The following ARHGEF7 variants were observed in gnomAD, a reference collection of about 807,000 sequenced individuals.
ARHGEF7 encodes Rho guanine nucleotide exchange factor 7.
Under a neutral mutation model 109.8 loss-of-function variants are expected in ARHGEF7, and 33 were observed. The ratio of observed to expected loss-of-function variants is 0.30; its 90% CI spans 0.23 to 0.40. The LOEUF (loss-of-function observed/expected upper bound fraction) is 0.40, where lower values mean the gene tolerates loss of function less well. Among genes scored for constraint, ARHGEF7 ranks in the 10% least tolerant of loss-of-function variants. The probability of loss-of-function intolerance (pLI) is 1.00; values close to 1 mark genes in which losing one functional copy is unlikely to be tolerated. For synonymous variants in ARHGEF7, 458 were observed against 424.6 expected (o/e 1.08, Z -0.97); for missense variants, 938 against 1,098.5 (o/e 0.85, Z 2.07).
chr13:111,194,535 A>G (rs2080273669), intron 2 of ARHGEF7, among the ~76,000 whole-genome samples: 1 of 152,228 alleles, frequency 6.6e-6, no homozygotes. Flanking sequence ...GGCTAAGATT[A>G]GGCCTAGATA....
intron 3 of ARHGEF7, among the ~76,000 whole-genome samples, chr13:111,209,036 A>G (rs1170043133): frequency 6.6e-6 from 1 of 152,154 alleles, no homozygotes; most frequent in East Asian, 1.9e-4. Context: ...TCAGAATTTT[A>G]TAAGATACGT....
chr13:111,283,421 G>C, intron 16 of ARHGEF7, 58 bp downstream of exon 16: 1 of 1,520,886 alleles, frequency 6.6e-7, no homozygotes, highest in Non-Finnish European at 8.8e-7. Flanking sequence ...TCGGGCCCTG[G>C]GTGTGCCCAC....
rs2092316501 is a variant in ARHGEF7, at chr13:111,273,673, T to G, written c.1074-141T>G. On this transcript the variant is annotated intron_variant, in intron 9 of 21. Transcript: ENST00000646102. This position sits in a 1 kb window ranked among gnomAD's most constrained non-coding sequence, Gnocchi z 4.5. ...CATTTCCAGATAAGCAGCGCAGATT[T>G]GGGATAAAAGCTGGAGCCTTCCAGA... The G allele has an allele frequency of 2.6e-6, 3 of 1,173,862 alleles. No individual in the cohort carries two copies. The highest frequency in any genetic ancestry group is 3.6e-6 in the Non-Finnish European group (3 of 826,624). The allele number at this position is 1,173,862 out of a possible 1,614,324, so 72.7% of individuals were successfully genotyped here. A position where few individuals can be genotyped will look rare whatever the true frequency, so the allele number is the denominator to read the frequency against.
chr13:111,200,453 C>CTTTT (rs34569096), intron 2 of ARHGEF7, among the ~76,000 whole-genome samples: 1 of 146,230 alleles, frequency 6.8e-6, no homozygotes, highest in Non-Finnish European at 1.5e-5. Flanking sequence ...GAAATCATGT[C>CTTTT]TTTTTTTTTT....
intron 9 of ARHGEF7, among the ~76,000 whole-genome samples, chr13:111,271,802 A>AT (rs747096289): frequency 8.9e-4 from 135 of 152,276 alleles, no homozygotes; most frequent in East Asian, 2.3e-3. Context: ...TCTTGTCTTA[A>AT]TTTTTTTACA....
At chr13:111,281,872 C>T (rs1033681531) in intron 15 of ARHGEF7, among the ~76,000 whole-genome samples, 1 of 152,210 alleles carries the variant, frequency 6.6e-6, no homozygotes, top group East Asian at 1.9e-4. Context: ...CATTCTCCTA[C>T]AGAGTTTCTT....
intron 5 of ARHGEF7, among the ~76,000 whole-genome samples, chr13:111,218,368 A>G (rs1449729852): frequency 1.3e-5 from 2 of 152,018 alleles, no homozygotes; most frequent in Non-Finnish European, 2.9e-5. Flanking sequence ...TGTTTCACTG[A>G]CTTTCCGATT....
In ARHGEF7 at chr13:111,115,515, C is replaced by G; in HGVS notation, c.-12C>G. ...CGCGCGCCCCTCCCCGCCTGCCTCC[C>G]GGGCCGCAGCGATGAATTCCGCCGA... On this transcript the variant is annotated 5_prime_UTR_variant, in exon 1 of 22. Transcript: ENST00000646102. 1 of 1,323,944 alleles carries G rather than the reference C, an allele frequency of 7.6e-7. No homozygotes were observed. Among genetic ancestry groups the G allele is most frequent in the African/African-American group, 1.5e-5 (1 of 64,926 alleles). The allele number at this position is 1,323,944 out of a possible 1,614,324, so 82.0% of individuals were successfully genotyped here. A position where few individuals can be genotyped will look rare whatever the true frequency, so the allele number is the denominator to read the frequency against.
At chr13:111,140,139 G>A (rs757968371) in intron 1 of ARHGEF7, among the ~76,000 whole-genome samples, 4 of 152,154 alleles carry the variant, frequency 2.6e-5, no homozygotes, top group Non-Finnish European at 5.9e-5. Flanking sequence ...ACAGGCACAG[G>A]TCCTTCGTTC....
At chr13:111,200,820 G>A (rs924457094) in intron 2 of ARHGEF7, among the ~76,000 whole-genome samples, 5 of 152,164 alleles carry the variant, frequency 3.3e-5, no homozygotes, top group African/African-American at 9.7e-5. Flanking sequence ...CTGGCATCTG[G>A]AATCTCTTGA....
At chr13:111,191,944 T>G in intron 2 of ARHGEF7, among the ~76,000 whole-genome samples, 1 of 152,202 alleles carries the variant, frequency 6.6e-6, no homozygotes, top group East Asian at 1.9e-4. Flanking sequence ...GTATGCTGCT[T>G]AATCATATGA....
chr13:111,295,162 T>C (rs769568807), intron 19 of ARHGEF7: 32 of 985,822 alleles, frequency 3.2e-5, no homozygotes, highest in Admixed American at 6.1e-5. Flanking sequence ...AAACCTGTTA[T>C]GTACAGTTGA....
At chr13:111,240,542 CT>C (rs1402182362) in intron 6 of ARHGEF7, among the ~76,000 whole-genome samples, 1 of 152,208 alleles carries the variant, frequency 6.6e-6, no homozygotes, top group Non-Finnish European at 1.5e-5. Flanking sequence ...CTCCTTCCTC[CT>C]CCTCCTCCTC....
At chr13:111,281,779 C>T (rs901562217) in intron 15 of ARHGEF7, among the ~76,000 whole-genome samples, 12 of 152,252 alleles carry the variant, frequency 7.9e-5, no homozygotes, top group South Asian at 2.1e-4. Context: ...CCAGACCCTC[C>T]GTCTTAGTGT....
At chr13:111,210,706 C>T (rs2082390577) in intron 4 of ARHGEF7, among the ~76,000 whole-genome samples, 1 of 152,228 alleles carries the variant, frequency 6.6e-6, no homozygotes, top group Non-Finnish European at 1.5e-5. Context: ...GTCCTGCACC[C>T]TTCTCTGAGC....
chr13:111,223,619 G>A (rs996120370), intron 5 of ARHGEF7, among the ~76,000 whole-genome samples: 2 of 152,290 alleles, frequency 1.3e-5, no homozygotes, highest in Non-Finnish European at 2.9e-5. Context: ...AAGGTTCACC[G>A]TTGTGTTGGT....
At chr13:111,283,394 A>C in intron 16 of ARHGEF7, 31 bp downstream of exon 16, 1 of 1,535,208 alleles carries the variant, frequency 6.5e-7, no homozygotes. Context: ...AAACAGCCAG[A>C]TGACGGTGAG....
At chr13:111,154,169 G>A (rs1272668691) in intron 2 of ARHGEF7, among the ~76,000 whole-genome samples, 178 bp downstream of exon 2, 1 of 152,090 alleles carries the variant, frequency 6.6e-6, no homozygotes, top group Non-Finnish European at 1.5e-5. Flanking sequence ...TAATGGCCGG[G>A]AGGTGGCGGC....
At position 111,221,389 on chromosome 13, in the gene ARHGEF7, ATGTC is replaced by A. The variant is rs1453780386; in HGVS notation, c.670+3511_670+3514del. ...TCTATATATATATCTATATATATAGATGTCTATATATCTATATATATAGATGTCT... is the reference window on the plus strand; with the variant it reads ...TCTATATATATATCTATATATATAGATATATATCTATATATATAGATGTCT... On this transcript the variant is annotated intron_variant, in intron 5 of 21. Coordinates refer to ENST00000646102, the MANE Select transcript of ARHGEF7 (RefSeq NM_001354046.2). 2.9e-3 allele frequency among the ~76,000 whole-genome samples: 54 copies of A among 18,616 alleles called. 2 individuals carry two copies. The highest frequency in any genetic ancestry group is 4.7e-3 in the Admixed American group (6 of 1,268). 12.2% of individuals were successfully genotyped at this position (18,616 alleles called of 152,430 possible).
Sources: allele counts gnomAD v4.1 joint callset (sites outside exome capture counted in the v4.1 genomes callset), GRCh38; gene constraint gnomAD v4.1.1; non-coding constraint Gnocchi (gnomAD v3.1); transcripts MANE v1.5; gene names NCBI Gene and HGNC (gene_info 2026-07-23, HGNC 2026-07-21).